Variants in TGIF1 observed in about 807,000 individuals in gnomAD.
The protein encoded by TGIF1 is TGFB induced factor homeobox 1.
In TGIF1, 4 loss-of-function variants were observed where a neutral mutation model predicts 19.3. That is an observed-to-expected ratio of 0.21 (90% CI 0.10 to 0.47). TGIF1 has a LOEUF of 0.47. Ranked by LOEUF, TGIF1 falls within the 20% of genes least tolerant of loss-of-function variation. The pLI, the probability that TGIF1 is intolerant of heterozygous loss-of-function variation, is 0.98. For synonymous variants in TGIF1, 122 were observed against 129.3 expected, an observed-to-expected ratio of 0.94 and a Z score of 0.38; for missense variants, 275 against 341.4, an observed-to-expected ratio of 0.81 and a Z score of 1.53.
chr18:3,452,403 CTT>C (rs2143347343), intron 1 of TGIF1: 7 of 1,613,122 alleles, frequency 4.3e-6, no homozygotes, highest in Middle Eastern at 1.6e-4. Context: ...GAAGGGGAAA[CTT>C]TGCGACTGGT....
chr18:3,446,632 T>C (rs2082751328), upstream of TGIF1, among the ~76,000 whole-genome samples: 1 of 152,202 alleles, frequency 6.6e-6, no homozygotes, highest in Non-Finnish European at 1.5e-5. Flanking sequence ...AGTTACACTA[T>C]TCATGCAAGG....
Position 3,451,998 on chromosome 18 carries a change from C to CGGGT in TGIF1, c.16+1495_16+1498dup. 6.2e-7 allele frequency: 1 copy of CGGGT among 1,601,978 alleles called. No individual in the cohort carries two copies. The highest frequency in any genetic ancestry group is 1.1e-5 in the South Asian group (1 of 89,164). On this transcript the variant is annotated intron_variant, in intron 1 of 2. Coordinates refer to ENST00000343820, the MANE Select transcript of TGIF1 (RefSeq NM_003244.4). This position sits in a 1 kb window ranked among gnomAD's most constrained non-coding sequence, Gnocchi z 5.4. ...TTCGAGGATGGTTCTAGCGCAGAGC[C>CGGGT]GGGTGTCTGCCGGGGTGGGCTCCCC... is the stretch of plus-strand genomic sequence containing the variant.
In TGIF1 at chr18:3,456,284, C is replaced by A; in HGVS notation, c.17-70C>A. ...AAGCATGGTTACATTGAATGGTCAG[C>A]GTTAAGTGAGCTTTGCAATAGTTGC... On this transcript the variant is annotated intron_variant, in intron 1 of 2. Transcript: ENST00000343820. The surrounding 1 kb of genome is among the most constrained non-coding windows in gnomAD (Gnocchi z 4.2). 2 of 1,390,342 alleles carry A rather than the reference C, an allele frequency of 1.4e-6. No individual in the cohort carries two copies. The highest frequency in any genetic ancestry group is 2.0e-6 in the Non-Finnish European group (2 of 977,864). The allele number at this position is 1,390,342 out of a possible 1,614,324, so 86.1% of individuals were successfully genotyped here. A position where few individuals can be genotyped will look rare whatever the true frequency, so the allele number is the denominator to read the frequency against.
chr18:3,434,506 A>G (rs929484926), intron 2 of TGIF1, among the ~76,000 whole-genome samples: 4 of 152,130 alleles, frequency 2.6e-5, no homozygotes, highest in Non-Finnish European at 5.9e-5. Context: ...ATTGCACTCC[A>G]GCCTGGGCAA....
At chr18:3,454,160 T>C (rs1278754307) in intron 1 of TGIF1, among the ~76,000 whole-genome samples, 1 of 152,210 alleles carries the variant, frequency 6.6e-6, no homozygotes, top group Non-Finnish European at 1.5e-5. Flanking sequence ...TTAAATGAAC[T>C]GAGAACAGAG....
chr18:3,440,395 A>G lies in TGIF1; in HGVS notation c.-44-15959A>G, dbSNP rs1257500926. 2.6e-5 allele frequency among the ~76,000 whole-genome samples: 4 copies of G among 152,184 alleles called. No homozygotes were observed. In the East Asian group the frequency reaches 7.7e-4, roughly 29 times the overall value. On this transcript the variant is annotated intron_variant, in intron 2 of 3. Coordinates refer to the TGIF1 transcript ENST00000401449. The stretch of plus-strand genomic sequence containing the variant: ...TACCTGCATTAGGATTAACATTTCC[A>G]GTTTTGCAGATTTGGTCATCCAAAT...
chr18:3,452,187 AC>A (rs762555858), intron 1 of TGIF1: 1 of 1,607,416 alleles, frequency 6.2e-7, no homozygotes, highest in Non-Finnish European at 8.5e-7. Context: ...CTCCCTGGCG[AC>A]CCCCTCTGCG....
At chr18:3,445,764 G>GAAAAAAAAA (rs1568041656), upstream of TGIF1, among the ~76,000 whole-genome samples, 20 of 24,124 alleles carry the variant, frequency 8.3e-4, no homozygotes, top group South Asian at 3.3e-3. Context: ...GAGAAGAAAA[G>GAAAAAAAAA]CAAAAAAAAA....
intron 1 of TGIF1, chr18:3,415,612 C>T (rs116877503): frequency 0.017 from 3,509 of 200,776 alleles, 44 homozygotes; most frequent in South Asian, 0.036. Context: ...TTTGAAAGCT[C>T]TATTTAATTA....
chr18:3,450,540 G>C, intron 1 of TGIF1, 35 bp downstream of exon 1: 1 of 1,556,006 alleles, frequency 6.4e-7, no homozygotes, highest in Non-Finnish European at 8.7e-7. Context: ...ACCAGAAGAC[G>C]CGAGTCCGGG....
chr18:3,450,656 T>C, intron 1 of TGIF1, 151 bp downstream of exon 1: 1 of 1,476,636 alleles, frequency 6.8e-7, no homozygotes, highest in South Asian at 1.2e-5. Flanking sequence ...AGGCTGCGTC[T>C]GAAACGGCAG....
intron 2 of TGIF1, among the ~76,000 whole-genome samples, chr18:3,422,692 T>TGTTG (rs2082419841): frequency 7.4e-6 from 1 of 135,492 alleles, no homozygotes; most frequent in African/African-American, 2.8e-5. Context: ...TTTTTTTTTT[T>TGTTG]TTTTTTTTTT....
chr18:3,414,784 A>G (rs1294511834), intron 1 of TGIF1, among the ~76,000 whole-genome samples: 1 of 152,172 alleles, frequency 6.6e-6, no homozygotes, highest in Non-Finnish European at 1.5e-5. Context: ...GGTGGTGCAC[A>G]GCTGTAGTCC....
At position 3,422,675 on chromosome 18, in the gene TGIF1, T is replaced by A. The variant is rs2082417249; in HGVS notation, c.-45+4460T>A. Among the ~76,000 whole-genome samples the A allele has an allele frequency of 3.9e-4, 9 of 22,812 alleles. No individual in the cohort carries two copies. In the East Asian group the frequency reaches 7.0e-3, roughly 18 times the overall value. The allele number at this position is 22,812 out of a possible 152,430, so 15.0% of individuals were successfully genotyped here. ...GTTAAGTGCCCTATATAGGTGGCCT[T>A]TTTTTTTTTTTTTTTTTTTTTTTTT... On this transcript the variant is annotated intron_variant, in intron 2 of 3. Coordinates refer to the TGIF1 transcript ENST00000401449.
At chr18:3,429,886 G>A (rs1598867349) in intron 2 of TGIF1, among the ~76,000 whole-genome samples, 1 of 152,348 alleles carries the variant, frequency 6.6e-6, no homozygotes, top group African/African-American at 2.4e-5. Flanking sequence ...TGGGCACAGT[G>A]GCTTGTGCCT....
chr18:3,451,876 G>C lies in TGIF1; in HGVS notation c.16+1371G>C. On this transcript the variant is annotated intron_variant, in intron 1 of 2. Coordinates refer to ENST00000343820, the MANE Select transcript of TGIF1 (RefSeq NM_003244.4). This position sits in a 1 kb window ranked among gnomAD's most constrained non-coding sequence, Gnocchi z 5.4. ...GCGCGGGGGGCGTCCGAGACGCCCC[G>C]TGAAAGCCGTGCCGACCCTTGGGAG... The C allele has an allele frequency of 7.0e-7, 1 of 1,434,640 alleles. No individual in the cohort carries two copies. The highest frequency in any genetic ancestry group is 9.1e-7 in the Non-Finnish European group (1 of 1,093,888). The allele number at this position is 1,434,640 out of a possible 1,614,324, so 88.9% of individuals were successfully genotyped here.
chr18:3,459,647 G>A lies in TGIF1; in HGVS notation c.*1707G>A, dbSNP rs2049460612. ...ACATTTTGCTTTAGTATAGATGAGG[G>A]AAATGAGCAAGTCCTAAAAGGTTTG... On this transcript the variant is annotated 3_prime_UTR_variant, in exon 3 of 3. Transcript: ENST00000343820. 1 of 152,212 alleles carries A rather than the reference G, an allele frequency of 6.6e-6. No homozygotes were observed. The allele number at this position is 152,212 out of a possible 1,614,324, so 9.4% of individuals were successfully genotyped here.
chr18:3,433,304 C>T (rs2082574303), intron 2 of TGIF1, among the ~76,000 whole-genome samples: 1 of 151,882 alleles, frequency 6.6e-6, no homozygotes, highest in Non-Finnish European at 1.5e-5. Flanking sequence ...CAACTCCTGG[C>T]CTCACGTGAT....
At chr18:3,433,955 T>C (rs777419766) in intron 2 of TGIF1, among the ~76,000 whole-genome samples, 1 of 152,250 alleles carries the variant, frequency 6.6e-6, no homozygotes, top group Non-Finnish European at 1.5e-5. Context: ...GTTTATACTT[T>C]AACTACAATA....
Sources: allele counts gnomAD v4.1 joint callset (sites outside exome capture counted in the v4.1 genomes callset), GRCh38; gene constraint gnomAD v4.1.1; non-coding constraint Gnocchi (gnomAD v3.1); transcripts MANE v1.5; gene names NCBI Gene and HGNC (gene_info 2026-07-23, HGNC 2026-07-21).